Variants in GTF2IRD1 observed in about 807,000 individuals in gnomAD.
The protein encoded by GTF2IRD1 is GTF2I repeat domain containing 1.
In GTF2IRD1, 26 loss-of-function variants were observed where a neutral mutation model predicts 113.2. The ratio of observed to expected loss-of-function variants is 0.23; its 90% CI spans 0.17 to 0.32. The LOEUF is 0.32. Ranked by LOEUF, GTF2IRD1 falls within the 10% of genes least tolerant of loss-of-function variation. The pLI is 1.00. For synonymous variants in GTF2IRD1, 484 were observed against 529.1 expected, an observed-to-expected ratio of 0.91 and a Z score of 1.17; for missense variants, 864 against 1,280.8, an observed-to-expected ratio of 0.67 and a Z score of 4.97.
chr7:74,593,629 A>G (rs1802208916), intron 24 of GTF2IRD1, among the ~76,000 whole-genome samples: 1 of 150,176 alleles, frequency 6.7e-6, no homozygotes, highest in Non-Finnish European at 1.5e-5. Context: ...GCTACTCGAG[A>G]GGCTGAGGCA....
At chr7:74,515,808 A>G (rs74432721) in intron 4 of GTF2IRD1, among the ~76,000 whole-genome samples, 25,573 of 151,876 alleles carry the variant, frequency 0.17, 2,288 homozygotes, top group Middle Eastern at 0.23. Flanking sequence ...CTCCACCCCT[A>G]CTGTCCCTGC....
At chr7:74,545,678 A>G (rs587757167) in intron 15 of GTF2IRD1, 66 bp from the exon 16 acceptor site, 80 of 1,189,644 alleles carry the variant, frequency 6.7e-5, no homozygotes, top group Middle Eastern at 2.8e-4. Context: ...TGGTACCAGC[A>G]GAGCAGGAAC....
In GTF2IRD1 at chr7:74,529,908, T is replaced by C; in HGVS notation, c.1265T>C (p.Ile422Thr). ...GAGGAGCGCCATAGTATCCACTTCA[T>C]CATTAAGAGGTGCGGGTGGGGCTGG... is the stretch of plus-strand genomic sequence containing the variant. ...ILEERHSIHF[I>T]IKRMFDERIF... Residue 422 changes from isoleucine to threonine, a missense_variant, in exon 9 of 27, where the codon ATC (isoleucine) becomes ACC (threonine). Physicochemically the swap from Ile to Thr is moderately conservative, Grantham distance 89. Coordinates refer to ENST00000424337, the MANE Select transcript of GTF2IRD1 (RefSeq NM_005685.4). 6.2e-7 allele frequency: 1 copy of C among 1,612,958 alleles called. No homozygotes were observed. The highest frequency in any genetic ancestry group is 1.1e-5 in the South Asian group (1 of 91,036).
At chr7:74,484,917 T>C (rs1414188784) in intron 1 of GTF2IRD1, among the ~76,000 whole-genome samples, 3 of 152,212 alleles carry the variant, frequency 2.0e-5, no homozygotes, top group African/African-American at 7.2e-5. Context: ...AGACTATTAC[T>C]GTTTTATTAA....
At chr7:74,461,565 C>T (rs1793364252) in intron 1 of GTF2IRD1, among the ~76,000 whole-genome samples, 1 of 152,092 alleles carries the variant, frequency 6.6e-6, no homozygotes, top group African/African-American at 2.4e-5. Context: ...ATGAGAAGGG[C>T]CCACTTTATA....
chr7:74,466,801 G>A (rs1793743498), intron 1 of GTF2IRD1, among the ~76,000 whole-genome samples: 2 of 151,992 alleles, frequency 1.3e-5, no homozygotes, highest in Admixed American at 6.6e-5. Context: ...AGTGGGTCAC[G>A]GCCCCATCAT....
At chr7:74,557,062 G>A (rs587735358) in intron 19 of GTF2IRD1, among the ~76,000 whole-genome samples, 7 of 152,154 alleles carry the variant, frequency 4.6e-5, no homozygotes, top group East Asian at 3.9e-4. Context: ...GCAACATGGC[G>A]AAACCCCATC....
chr7:74,510,368 G>A (rs545958297), intron 2 of GTF2IRD1, among the ~76,000 whole-genome samples: 4 of 150,612 alleles, frequency 2.7e-5, no homozygotes, highest in South Asian at 2.1e-4. Context: ...GTGCAATGGC[G>A]CGATCTTGGC....
intron 11 of GTF2IRD1, among the ~76,000 whole-genome samples, chr7:74,537,281 C>T (rs1466141356): frequency 4.6e-5 from 7 of 151,894 alleles, no homozygotes; most frequent in East Asian, 3.9e-4. Flanking sequence ...GGCGCAGCGG[C>T]GCATGCCTGT....
At chr7:74,586,277 G>T (rs1414394570) in intron 22 of GTF2IRD1, among the ~76,000 whole-genome samples, 1 of 152,184 alleles carries the variant, frequency 6.6e-6, no homozygotes, top group Non-Finnish European at 1.5e-5. Context: ...CATGGATTTG[G>T]ACAAGGGTGG....
chr7:74,576,397 C>G (rs1159564156), intron 22 of GTF2IRD1, among the ~76,000 whole-genome samples: 1 of 150,998 alleles, frequency 6.6e-6, no homozygotes, highest in Non-Finnish European at 1.5e-5. Context: ...CCCATCTCTA[C>G]TAAAAATACA....
At position 74,583,580 on chromosome 7, in the gene GTF2IRD1, G is replaced by GA. The variant is rs1583955191; in HGVS notation, c.2321-6271_2321-6270insA. ...GTCAGGACGCCTCCCCAAACTGCCA[G>GA]CCCCCTCAGCCAGCCCGGCCCCACT... On this transcript the variant is annotated intron_variant, in intron 22 of 26. Transcript: ENST00000424337. Among the ~76,000 whole-genome samples, 5 of 151,716 alleles carry GA rather than the reference G, an allele frequency of 3.3e-5. No individual in the cohort carries two copies. In the East Asian group the frequency reaches 9.7e-4, roughly 29 times the overall value.
intron 1 of GTF2IRD1, among the ~76,000 whole-genome samples, chr7:74,475,616 T>C (rs532111865): frequency 1.3e-5 from 2 of 152,150 alleles, no homozygotes; most frequent in African/African-American, 4.8e-5. Flanking sequence ...GAGGGGCCGC[T>C]TCATGAAATT....
In GTF2IRD1 at chr7:74,598,226, A is replaced by G. The variant is rs587656889; in HGVS notation, c.2630-2818A>G. Among the ~76,000 whole-genome samples, 787 of 151,772 alleles carry G rather than the reference A, an allele frequency of 5.2e-3. 12 individuals are homozygous for G. Among genetic ancestry groups the G allele is most frequent in the African/African-American group, 0.018 (747 of 41,374 alleles). ...CGACAGAGTGAGACCCTGTTTCCAA[A>G]AAAAAAAGAGCCAGTTAAAAGGGTC... On this transcript the variant is annotated intron_variant, in intron 25 of 26. Transcript: ENST00000424337.
intron 22 of GTF2IRD1, chr7:74,572,672 C>G (rs587623430): frequency 9.3e-6 from 3 of 322,388 alleles, no homozygotes; most frequent in African/African-American, 6.7e-5. Flanking sequence ...CTCTCTCAGC[C>G]TTCCCCACCC....
intron 3 of GTF2IRD1, among the ~76,000 whole-genome samples, chr7:74,514,426 G>A (rs1220761106): frequency 1.3e-5 from 2 of 152,132 alleles, no homozygotes; most frequent in African/African-American, 2.4e-5. Context: ...AGCCTGAGGC[G>A]GTGCACCTGC....
intron 17 of GTF2IRD1, among the ~76,000 whole-genome samples, chr7:74,551,614 G>A (rs1332558617): frequency 6.6e-6 from 1 of 152,102 alleles, no homozygotes; most frequent in Non-Finnish European, 1.5e-5. Context: ...GTGACCCAAT[G>A]AAGGGAGAGG....
chr7:74,585,199 A>C (rs1419351699), intron 22 of GTF2IRD1, among the ~76,000 whole-genome samples: 4 of 130,914 alleles, frequency 3.1e-5, no homozygotes, highest in Non-Finnish European at 6.3e-5. Context: ...TGCAACCTCC[A>C]CCTCCCAGTT....
chr7:74,547,169 A>G lies in GTF2IRD1; in HGVS notation c.1799A>G (p.Glu600Gly). 6.2e-7 allele frequency: 1 copy of G among 1,613,610 alleles called. No homozygotes were observed. Among genetic ancestry groups the G allele is most frequent in the Non-Finnish European group, 8.5e-7 (1 of 1,179,820 alleles). ...PYSKFLMHPE[E>G]LFVVGLPEGI... ...TCCAAGTTTCTGATGCACCCGGAGG[A>G]GCTGTTTGTGGTGGGACTGCCTGAA... is the stretch of plus-strand genomic sequence containing the variant. Residue 600 changes from glutamate to glycine, a missense_variant, in exon 17 of 27, where the codon GAG becomes GGG. Physicochemically the swap from Glu to Gly is moderately conservative, Grantham distance 98 (BLOSUM62 -2). Coordinates refer to ENST00000424337, the MANE Select transcript of GTF2IRD1 (RefSeq NM_005685.4).
Sources: gnomAD v4.1 joint callset for allele counts (sites outside exome capture counted in the v4.1 genomes callset) on GRCh38, gnomAD v4.1.1 for gene constraint, MANE v1.5 for transcripts, NCBI Gene and HGNC (gene_info 2026-07-23, HGNC 2026-07-21) for gene names.